Variants in SNAP91 observed in about 807,000 individuals in gnomAD.
The protein encoded by SNAP91 is clathrin coat assembly protein AP180.
SNAP91 carries 27 observed loss-of-function variants against 100.3 expected under a neutral mutation model. That is an observed-to-expected ratio of 0.27 (90% CI 0.20 to 0.37). SNAP91 has a LOEUF of 0.37. Among genes scored for constraint, SNAP91 ranks in the 10% least tolerant of loss-of-function variants. SNAP91 has a pLI of 1.00. For missense variants in SNAP91, 986 were observed against 1,123.7 expected, an observed-to-expected ratio of 0.88 and a Z score of 1.75; for synonymous variants, 404 against 398.6, an observed-to-expected ratio of 1.01 and a Z score of -0.16.
In SNAP91 at chr6:83,601,251, T is replaced by A; in HGVS notation, c.1324+20A>T. On this transcript the variant is annotated intron_variant, in intron 16 of 29. Transcript: ENST00000369694. The stretch of plus-strand genomic sequence containing the variant: ...TTTAGCAATCCTGAAAAAATGAAAG[T>A]AGCAGCGAGACTAACTAACCTCCAA... 6.2e-7 allele frequency: 1 copy of A among 1,611,410 alleles called. No individual in the cohort carries two copies. The highest frequency in any genetic ancestry group is 8.5e-7 in the Non-Finnish European group (1 of 1,178,324).
intron 26 of SNAP91, among the ~76,000 whole-genome samples, chr6:83,567,403 A>C (rs1319560700): frequency 1.3e-5 from 2 of 152,202 alleles, no homozygotes; most frequent in African/African-American, 2.4e-5. Flanking sequence ...TAAAAACCCT[A>C]GAACACCTAG....
In SNAP91 at chr6:83,659,087, T is replaced by C. The variant is rs2098473968; in HGVS notation, c.458A>G (p.Asp153Gly). 2 of 1,576,024 alleles carry C rather than the reference T, an allele frequency of 1.3e-6. No individual in the cohort carries two copies. The highest frequency in any genetic ancestry group is 1.8e-5 in the Admixed American group (1 of 54,256). The change falls in exon 6 of 30, where the codon GAT becomes GGT. Residue 153 changes from aspartate (D) to glycine (G), a missense_variant. This residue lies in a region of SNAP91 where 330 missense variants were observed against 447.5 expected (regional missense o/e 0.74). Transcript: ENST00000369694. ...FDFARVKKGA[D>G]GVMRTMAPEK... The stretch of plus-strand genomic sequence containing the variant: ...GGGAGCCATTGTCCTCATTACACCA[T>C]CGGCCCTACAATTAAAAAAAAAAAA...
At chr6:83,569,804 C>T (rs372577567) in intron 26 of SNAP91, among the ~76,000 whole-genome samples, 5 of 152,120 alleles carry the variant, frequency 3.3e-5, no homozygotes, top group East Asian at 3.9e-4. Flanking sequence ...CCCAAACAAG[C>T]GCTCTCTTTG....
intron 11 of SNAP91, among the ~76,000 whole-genome samples, 191 bp downstream of exon 11, chr6:83,614,666 G>A (rs1160796739): frequency 6.6e-6 from 1 of 151,956 alleles, no homozygotes. Flanking sequence ...CAAGAAGACC[G>A]AAAGAAAGTA....
chr6:83,584,430 C>T (rs150054226), intron 22 of SNAP91, among the ~76,000 whole-genome samples: 62 of 152,112 alleles, frequency 4.1e-4, no homozygotes, highest in African/African-American at 1.4e-3. Context: ...GTGCATTTAC[C>T]TAGGACACTC....
chr6:83,581,322 G>T (rs1044111750), intron 23 of SNAP91, among the ~76,000 whole-genome samples: 5 of 152,012 alleles, frequency 3.3e-5, no homozygotes, highest in African/African-American at 1.2e-4. Flanking sequence ...ATTTCTGGTT[G>T]TAACTCTAAG....
intron 7 of SNAP91, among the ~76,000 whole-genome samples, chr6:83,646,342 T>C (rs2097916219): frequency 6.6e-6 from 1 of 152,186 alleles, no homozygotes; most frequent in Admixed American, 6.5e-5. Flanking sequence ...CCTTCCAGGA[T>C]GTTTATAGTT....
chr6:83,629,022 T>C lies in SNAP91; in HGVS notation c.766-5680A>G, dbSNP rs138643182. 9.4e-3 allele frequency among the ~76,000 whole-genome samples: 1,436 copies of C among 152,320 alleles called. 25 individuals are homozygous for C. Among genetic ancestry groups the C allele is most frequent in the African/African-American group, 0.032 (1,342 of 41,572 alleles). On this transcript the variant is annotated intron_variant, in intron 8 of 29. Coordinates refer to ENST00000369694, the MANE Select transcript of SNAP91 (RefSeq NM_001242792.2). ...ATCTTAGATTTAAGTCCTTAATCCA[T>C]CTTGAGTTGATTTTTGAATAAGGTG...
chr6:83,652,942 G>A (rs1020081089), intron 7 of SNAP91, among the ~76,000 whole-genome samples: 3 of 152,168 alleles, frequency 2.0e-5, no homozygotes, highest in African/African-American at 7.2e-5. Flanking sequence ...GGTTTGTGAA[G>A]TGAAGTCATA....
At chr6:83,598,747 A>G (rs938458251) in intron 16 of SNAP91, among the ~76,000 whole-genome samples, 7 of 152,318 alleles carry the variant, frequency 4.6e-5, no homozygotes, top group Middle Eastern at 3.4e-3. Context: ...AAGAGATTTT[A>G]GCTTAGGTTT....
At chr6:83,687,685 T>G (rs1447059370) in intron 2 of SNAP91, among the ~76,000 whole-genome samples, 1 of 152,200 alleles carries the variant, frequency 6.6e-6, no homozygotes, top group Admixed American at 6.5e-5. Context: ...TTAAGAGTAC[T>G]TTGTTGGGAA....
At chr6:83,588,662 C>T (rs1258712824) in intron 22 of SNAP91, among the ~76,000 whole-genome samples, 1 of 152,084 alleles carries the variant, frequency 6.6e-6, no homozygotes, top group East Asian at 1.9e-4. Context: ...TTATTGCATC[C>T]CCCAGGGTCA....
chr6:83,576,138 G>A, intron 24 of SNAP91, 85 bp from the exon 25 acceptor site: 1 of 715,952 alleles, frequency 1.4e-6, no homozygotes, highest in Non-Finnish European at 2.2e-6. Flanking sequence ...ATAATCAGAA[G>A]TCTATAAAAA....
intron 8 of SNAP91, among the ~76,000 whole-genome samples, chr6:83,638,380 A>G (rs2097546012): frequency 6.6e-6 from 1 of 152,028 alleles, no homozygotes; most frequent in South Asian, 2.1e-4. Context: ...CCTCTCTGGA[A>G]TTATCCTTCT....
At chr6:83,600,349 C>A (rs1399352851) in intron 16 of SNAP91, among the ~76,000 whole-genome samples, 1 of 152,118 alleles carries the variant, frequency 6.6e-6, no homozygotes, top group Non-Finnish European at 1.5e-5. Flanking sequence ...TACACCAAAG[C>A]CTGCCAAATC....
chr6:83,696,326 A>G (rs1360353983), intron 2 of SNAP91, among the ~76,000 whole-genome samples: 1 of 152,208 alleles, frequency 6.6e-6, no homozygotes, highest in Non-Finnish European at 1.5e-5. Flanking sequence ...GAACAAGGCA[A>G]TTACATATTA....
At chr6:83,658,911 G>T in intron 6 of SNAP91, 88 bp downstream of exon 6, 1 of 958,648 alleles carries the variant, frequency 1.0e-6, no homozygotes, top group Non-Finnish European at 1.6e-6. Context: ...GCTGCTTCCC[G>T]AGGAAATCTT....
chr6:83,627,931 G>A (rs2097020216), intron 8 of SNAP91, among the ~76,000 whole-genome samples: 3 of 151,636 alleles, frequency 2.0e-5, no homozygotes, highest in South Asian at 4.2e-4. Context: ...GTAGTGATCT[G>A]TGAGATTCTG....
chr6:83,593,439 C>T, intron 18 of SNAP91, 39 bp downstream of exon 18: 1 of 1,544,514 alleles, frequency 6.5e-7, no homozygotes, highest in Non-Finnish European at 8.8e-7. Flanking sequence ...ATTCAATCCA[C>T]TAGACGGAAA....
Sources: gnomAD v4.1 joint callset for allele counts (sites outside exome capture counted in the v4.1 genomes callset) on GRCh38, gnomAD v4.1.1 for gene constraint, gnomAD v4.1.1 regional missense constraint, MANE v1.5 for transcripts, NCBI Gene and HGNC (gene_info 2026-07-23, HGNC 2026-07-21) for gene names.